SH3D19: variants seen among roughly 807,000 people sequenced by gnomAD.
SH3D19 encodes SH3 domain containing 19, also known as SH3 domain-containing protein 19.
Under a neutral mutation model 112.1 loss-of-function variants are expected in SH3D19, and 58 were observed. The observed-to-expected ratio is 0.52, with a 90% CI of 0.42 to 0.64. The LOEUF is 0.64. SH3D19 is among the 30% of genes least tolerant of loss of function. The pLI is 0.00. For synonymous variants in SH3D19, 391 were observed against 448.5 expected, an observed-to-expected ratio of 0.87 and a Z score of 1.62; for missense variants, 1,090 against 1,263.4, an observed-to-expected ratio of 0.86 and a Z score of 2.08.
At position 151,133,217 on chromosome 4, in the gene SH3D19, G is replaced by A. The variant is rs767814344; in HGVS notation, c.2506C>T (p.Arg836Trp). 33 of 1,613,780 alleles carry A rather than the reference G, an allele frequency of 2.0e-5. No individual in the cohort carries two copies. The highest frequency in any genetic ancestry group is 6.7e-5 in the Admixed American group (4 of 59,964). The change falls in exon 16 of 20, where the codon CGG becomes TGG. Residue 836 changes from arginine to tryptophan, a missense_variant. Transcript: ENST00000604030. ...HCVKGSRCVA[R>W]FEYIGEQKDE... ...TTCTGCTCTCCAATATATTCAAACC[G>A]AGCAACACATCTTGAGCCTCTGAAT...
chr4:151,283,730 C>T (rs1774475192), intron 1 of SH3D19, among the ~76,000 whole-genome samples: 1 of 151,950 alleles, frequency 6.6e-6, no homozygotes, highest in Admixed American at 6.6e-5. Flanking sequence ...CACTATGTTG[C>T]CCAGGCTGAT....
intron 1 of SH3D19, among the ~76,000 whole-genome samples, chr4:151,255,330 GCTC>G (rs1373403821): frequency 2.0e-5 from 3 of 150,588 alleles, no homozygotes; most frequent in Admixed American, 2.0e-4. Context: ...GGGCAGAGAT[GCTC>G]CTCACCTCCC....
chr4:151,130,923 G>A (rs1750545060), intron 17 of SH3D19, among the ~76,000 whole-genome samples: 1 of 150,332 alleles, frequency 6.7e-6, no homozygotes, highest in Non-Finnish European at 1.5e-5. Context: ...CTGGGCGACG[G>A]AGTAAGACTC....
intron 2 of SH3D19, among the ~76,000 whole-genome samples, chr4:151,206,652 T>C (rs1765153823): frequency 6.6e-6 from 1 of 152,230 alleles, no homozygotes; most frequent in Non-Finnish European, 1.5e-5. Context: ...TATCATTATT[T>C]CCTCTAATGG....
intron 2 of SH3D19, among the ~76,000 whole-genome samples, chr4:151,196,932 C>A (rs1301585353): frequency 6.6e-6 from 1 of 152,026 alleles, no homozygotes; most frequent in African/African-American, 2.4e-5. Context: ...CAAATCAAAA[C>A]CACAATGTGA....
chr4:151,289,049 T>C (rs750269641), intron 1 of SH3D19, among the ~76,000 whole-genome samples: 2 of 152,222 alleles, frequency 1.3e-5, no homozygotes, highest in Non-Finnish European at 2.9e-5. Flanking sequence ...TATAGATCAA[T>C]GAAATAGGAT....
Position 151,165,621 on chromosome 4 carries a change from G to A in SH3D19, c.1610C>T (p.Thr537Ile). The A allele has an allele frequency of 6.2e-7, 1 of 1,614,136 alleles. No individual in the cohort carries two copies. Among genetic ancestry groups the A allele is most frequent in the Non-Finnish European group, 8.5e-7 (1 of 1,179,988 alleles). Residue 537 changes from threonine to isoleucine, a missense_variant, in exon 8 of 20, where the codon ACT (threonine) becomes ATT (isoleucine). Thr to Ile is a moderately conservative substitution (Grantham distance 89, BLOSUM62 -1). Coordinates refer to ENST00000604030, the MANE Select transcript of SH3D19 (RefSeq NM_001378122.1). ...AVQPAPTRKP[T>I]VIRIPAKPGK... The stretch of plus-strand genomic sequence containing the variant: ...TGGTTTGGCTGGAATTCGAATTACA[G>A]TGGGCTTCCTGGTGGGTGCTGGTTG...
intron 12 of SH3D19, among the ~76,000 whole-genome samples, chr4:151,143,532 G>GA (rs1457458155): frequency 6.6e-6 from 1 of 151,530 alleles, no homozygotes; most frequent in Non-Finnish European, 1.5e-5. Context: ...CTTCTAAGAA[G>GA]AAAAAATGGG....
intron 1 of SH3D19, among the ~76,000 whole-genome samples, chr4:151,310,641 G>A (rs1477075029): frequency 6.7e-6 from 1 of 150,152 alleles, no homozygotes; most frequent in Non-Finnish European, 1.5e-5. Flanking sequence ...GTAGGATCTC[G>A]GCTCACTGCA....
intron 12 of SH3D19, among the ~76,000 whole-genome samples, chr4:151,143,066 G>C (rs1753288324): frequency 6.6e-6 from 1 of 152,042 alleles, no homozygotes; most frequent in South Asian, 2.1e-4. Flanking sequence ...GTGAGACCCT[G>C]TCTCTACAAA....
At chr4:151,226,935 G>A (rs1007488424) in intron 1 of SH3D19, among the ~76,000 whole-genome samples, 3 of 152,048 alleles carry the variant, frequency 2.0e-5, no homozygotes, top group South Asian at 2.1e-4. Context: ...TTGAACCTGA[G>A]TAACAATTTT....
intron 11 of SH3D19, among the ~76,000 whole-genome samples, chr4:151,147,128 A>G (rs2897660): frequency 0.85 from 128,679 of 152,130 alleles, 55,606 homozygotes; most frequent in Non-Finnish European, 0.95. Flanking sequence ...TGTTCCCATA[A>G]CCCCAGCTAC....
At chr4:151,139,278 C>T (rs948246815) in intron 13 of SH3D19, among the ~76,000 whole-genome samples, 4 of 151,940 alleles carry the variant, frequency 2.6e-5, no homozygotes, top group Non-Finnish European at 4.4e-5. Context: ...CTCAGCCTCC[C>T]GAATAGCTGG....
intron 1 of SH3D19, among the ~76,000 whole-genome samples, chr4:151,233,522 T>A (rs1334354443): frequency 6.6e-6 from 1 of 152,124 alleles, no homozygotes; most frequent in African/African-American, 2.4e-5. Flanking sequence ...GTGTAGCATT[T>A]AAAAATCTCT....
At chr4:151,283,735 G>A (rs1774476369) in intron 1 of SH3D19, among the ~76,000 whole-genome samples, 1 of 151,934 alleles carries the variant, frequency 6.6e-6, no homozygotes, top group African/African-American at 2.4e-5. Flanking sequence ...TGTTGCCCAG[G>A]CTGATCCCAA....
rs1042405890 is a variant in SH3D19 at position 151,275,150 on chromosome 4, G to C, written c.113-49064C>G. Among the ~76,000 whole-genome samples, 59 of 150,718 alleles carry C rather than the reference G, an allele frequency of 3.9e-4. 1 individual carries two copies. Among genetic ancestry groups the C allele is most frequent in the Admixed American group, 3.7e-3 (56 of 15,166 alleles). Reference sequence around the variant, plus strand: ...CGCCCAGGCTGGAGTGCAGTGGCGCGATCTCGGCTCACTGCAAGCTCTGCC... The same window carrying C: ...CGCCCAGGCTGGAGTGCAGTGGCGCCATCTCGGCTCACTGCAAGCTCTGCC... On this transcript the variant is annotated intron_variant, in intron 1 of 19. Transcript: ENST00000604030.
intron 9 of SH3D19, among the ~76,000 whole-genome samples, chr4:151,156,100 T>C (rs557392705): frequency 1.3e-5 from 2 of 152,106 alleles, no homozygotes; most frequent in African/African-American, 4.8e-5. Flanking sequence ...TACCTTGTAA[T>C]AAATTTAACT....
chr4:151,134,526 A>G (rs781331317), intron 15 of SH3D19, among the ~76,000 whole-genome samples: 5 of 152,224 alleles, frequency 3.3e-5, no homozygotes, highest in Non-Finnish European at 1.5e-5. Context: ...ATAGGATTTA[A>G]TTATTTCTCA....
intron 17 of SH3D19, among the ~76,000 whole-genome samples, chr4:151,129,242 G>C (rs1216779873): frequency 6.6e-6 from 1 of 152,154 alleles, no homozygotes; most frequent in Non-Finnish European, 1.5e-5. Flanking sequence ...AGATGTGGTG[G>C]GCTAGTGTAA....
Sources: allele counts gnomAD v4.1 joint callset (sites outside exome capture counted in the v4.1 genomes callset), GRCh38; gene constraint gnomAD v4.1.1; transcripts MANE v1.5; gene names NCBI Gene and HGNC (gene_info 2026-07-23, HGNC 2026-07-21).